IL1RAPL2: variants seen among roughly 807,000 people sequenced by gnomAD.
IL1RAPL2 encodes the protein interleukin 1 receptor accessory protein like 2.
In IL1RAPL2, 3 loss-of-function variants were observed where a neutral mutation model predicts 44.1. The ratio of observed to expected loss-of-function variants is 0.07; its 90% CI spans 0.03 to 0.18. The LOEUF (loss-of-function observed/expected upper bound fraction) is 0.18. Ranked by LOEUF, IL1RAPL2 falls within the 10% of genes least tolerant of loss-of-function variation. IL1RAPL2 has a pLI of 1.00. For missense variants in IL1RAPL2, 391 were observed against 496.4 expected (o/e 0.79, Z 2.02); for synonymous variants, 181 against 178.8 (o/e 1.01, Z -0.10).
intron 5 of IL1RAPL2, among the ~76,000 whole-genome samples, chrX:105,315,183 G>C (rs2034827067): frequency 9.1e-6 from 1 of 110,147 alleles, no homozygotes; most frequent in South Asian, 4.0e-4. Context: ...TCCTTATTCT[G>C]TGTAGCTTTG....
At chrX:105,454,185 C>T (rs1485406416) in intron 5 of IL1RAPL2, among the ~76,000 whole-genome samples, 2 of 111,553 alleles carry the variant, frequency 1.8e-5, no homozygotes, top group African/African-American at 3.3e-5. Context: ...GAAACCCTAT[C>T]TACAAGAGAA....
At chrX:105,405,971 G>C in intron 5 of IL1RAPL2, 1 of 1,200,330 alleles carries the variant, frequency 8.3e-7, no homozygotes, top group Non-Finnish European at 1.1e-6. Context: ...TTGATCCTCA[G>C]ACAGATTCTA....
At chrX:105,407,142 T>A in intron 5 of IL1RAPL2, 1 of 418,930 alleles carries the variant, frequency 2.4e-6, no homozygotes, top group Admixed American at 4.2e-5. Context: ...GAAATAACAC[T>A]GTAAGGAAAT....
intron 2 of IL1RAPL2, among the ~76,000 whole-genome samples, chrX:105,085,853 A>T (rs1220686277): frequency 8.9e-6 from 1 of 112,261 alleles, no homozygotes; most frequent in African/African-American, 3.2e-5. Flanking sequence ...GTTATTTAGT[A>T]TATTCTTAAA....
At chrX:105,268,458 T>C (rs911095592) in intron 5 of IL1RAPL2, among the ~76,000 whole-genome samples, 2 of 110,951 alleles carry the variant, frequency 1.8e-5, no homozygotes, top group South Asian at 7.6e-4. Flanking sequence ...GTACAGCATG[T>C]AGTTAATAAT....
chrX:105,202,290 CTGA>C (rs1313081103), intron 3 of IL1RAPL2, among the ~76,000 whole-genome samples: 1 of 112,451 alleles, frequency 8.9e-6, no homozygotes, highest in African/African-American at 3.2e-5. Flanking sequence ...CAAATAGTCA[CTGA>C]TGAGTTGGTT....
intron 2 of IL1RAPL2, among the ~76,000 whole-genome samples, chrX:105,073,772 G>C: frequency 8.9e-6 from 1 of 112,029 alleles, no homozygotes; most frequent in East Asian, 2.8e-4. Context: ...TTGTGGTTTT[G>C]ATTTGCATTG....
chrX:105,629,461 A>C (rs2037477354), intron 6 of IL1RAPL2, among the ~76,000 whole-genome samples: 1 of 111,864 alleles, frequency 8.9e-6, no homozygotes, highest in African/African-American at 3.2e-5. Context: ...CATCTCATTC[A>C]GTTTCCACTG....
At chrX:105,133,557 A>G (rs779229759) in intron 2 of IL1RAPL2, among the ~76,000 whole-genome samples, 13 of 111,988 alleles carry the variant, frequency 1.2e-4, no homozygotes, top group Non-Finnish European at 2.4e-4. Flanking sequence ...ACCAACAATA[A>G]CAATAATTAC....
At chrX:104,972,170 T>G in intron 2 of IL1RAPL2, among the ~76,000 whole-genome samples, 1 of 111,893 alleles carries the variant, frequency 8.9e-6, no homozygotes, top group Middle Eastern at 4.7e-3. Flanking sequence ...GGCAGTTGTT[T>G]TTCCCTTGCA....
At chrX:104,845,169 T>C (rs749133645) in intron 2 of IL1RAPL2, among the ~76,000 whole-genome samples, 26 of 112,186 alleles carry the variant, frequency 2.3e-4, no homozygotes, top group Admixed American at 3.8e-4. Context: ...CTCACTTCCA[T>C]CTCATACTTA....
chrX:105,053,771 C>A (rs751957488), intron 2 of IL1RAPL2, among the ~76,000 whole-genome samples: 21 of 112,083 alleles, frequency 1.9e-4, no homozygotes, highest in Non-Finnish European at 3.8e-4. Context: ...CATCAACAAC[C>A]TTTTAAATAA....
In IL1RAPL2 at chrX:104,818,889, TC is replaced by T. The variant is rs746902742; in HGVS notation, c.82+159896del. ...AGTACAATAGAGGGGCAGGGATACT[TC>T]CTATATTTCTATGAGATAAAGTACA... is the stretch of plus-strand genomic sequence containing the variant. On this transcript the variant is annotated intron_variant, in intron 2 of 10. Coordinates refer to ENST00000372582, the MANE Select transcript of IL1RAPL2 (RefSeq NM_017416.2). Among the ~76,000 whole-genome samples, 332 of 112,228 alleles carry T rather than the reference TC, an allele frequency of 3.0e-3. 1 individual carries two copies. The highest frequency in any genetic ancestry group is 9.8e-3 in the African/African-American group (302 of 30,907).
At chrX:105,630,735 G>A (rs895560155) in intron 6 of IL1RAPL2, among the ~76,000 whole-genome samples, 1 of 110,356 alleles carries the variant, frequency 9.1e-6, no homozygotes, top group African/African-American at 3.3e-5. Flanking sequence ...TCAAAAAATT[G>A]AAAGGTGAAG....
chrX:105,612,313 C>A (rs2037342619), intron 6 of IL1RAPL2, among the ~76,000 whole-genome samples: 2 of 110,497 alleles, frequency 1.8e-5, no homozygotes, highest in South Asian at 3.9e-4. Flanking sequence ...TGCCAAGTTG[C>A]CTAGGCTGGT....
rs1346480347 is a variant in IL1RAPL2 at position 104,675,113 on chromosome X, T to G, written c.82+16118T>G. Among the ~76,000 whole-genome samples the G allele has an allele frequency of 5.9e-4, 65 of 110,954 alleles. No homozygotes were observed. In the East Asian group the frequency reaches 9.9e-3, roughly 17 times the overall value. ...CTCTATTTCCTTCAGTTCTGCTCTG[T>G]TCTTAGTTATTTCTTGCCTTCTGCT... On this transcript the variant is annotated intron_variant, in intron 2 of 10. Coordinates refer to ENST00000372582, the MANE Select transcript of IL1RAPL2 (RefSeq NM_017416.2).
At chrX:105,268,223 A>G (rs1192113568) in intron 5 of IL1RAPL2, among the ~76,000 whole-genome samples, 1 of 111,688 alleles carries the variant, frequency 9.0e-6, no homozygotes, top group East Asian at 2.8e-4. Context: ...TATGACAAAA[A>G]AATCTACTTA....
At chrX:105,219,502 C>T (rs372454217) in intron 3 of IL1RAPL2, 1 of 1,207,111 alleles carries the variant, frequency 8.3e-7, no homozygotes, top group African/African-American at 1.8e-5. Flanking sequence ...GGAGGCAGCC[C>T]TGGCCTCCAC....
chrX:104,734,733 C>T (rs1931982609), intron 2 of IL1RAPL2, among the ~76,000 whole-genome samples: 1 of 111,338 alleles, frequency 9.0e-6, no homozygotes, highest in African/African-American at 3.3e-5. Flanking sequence ...TAAATCTATA[C>T]ATATATTAAA....
Sources: allele counts gnomAD v4.1 joint callset (sites outside exome capture counted in the v4.1 genomes callset), GRCh38; gene constraint gnomAD v4.1.1; transcripts MANE v1.5; gene names NCBI Gene and HGNC (gene_info 2026-07-23, HGNC 2026-07-21).